Variants in ITPKA observed in about 807,000 individuals in gnomAD.
ITPKA encodes IP3 3-kinase A.
ITPKA carries 16 observed loss-of-function variants against 40.7 expected under a neutral mutation model. The observed-to-expected ratio is 0.39, with a 90% CI of 0.27 to 0.60. ITPKA has a LOEUF of 0.60. ITPKA is among the 20% of genes least tolerant of loss of function. The pLI, the probability that ITPKA is intolerant of heterozygous loss-of-function variation, is 0.50. For missense variants in ITPKA, 540 were observed against 649.3 expected, an observed-to-expected ratio of 0.83 and a Z score of 1.83; for synonymous variants, 313 against 289.9, an observed-to-expected ratio of 1.08 and a Z score of -0.81.
At chr15:41,499,550 T>C (rs1180685795) in intron 1 of ITPKA, among the ~76,000 whole-genome samples, 1 of 152,164 alleles carries the variant, frequency 6.6e-6, no homozygotes, top group Non-Finnish European at 1.5e-5. Context: ...CTACCATAAC[T>C]TCCATCTCCT....
At position 41,503,308 on chromosome 15, in the gene ITPKA, AG is replaced by A; in HGVS notation, c.*149del. 6.0e-6 allele frequency: 4 copies of A among 664,856 alleles called. No individual in the cohort carries two copies. Among genetic ancestry groups the A allele is most frequent in the Middle Eastern group, 4.2e-4 (1 of 2,368 alleles). 41.2% of individuals were successfully genotyped at this position (664,856 alleles called of 1,614,324 possible). A position where few individuals can be genotyped will look rare whatever the true frequency, so the allele number is the denominator to read the frequency against. On this transcript the variant is annotated 3_prime_UTR_variant, in exon 7 of 7. Coordinates refer to ENST00000260386, the MANE Select transcript of ITPKA (RefSeq NM_002220.3). ...CTGCAGGACCAGGTGCCAGCCACTA[AG>A]GGGGGGCACCGCCGATGCCAGGGGT...
chr15:41,495,351 G>A (rs1050680541), intron 1 of ITPKA, among the ~76,000 whole-genome samples: 1 of 152,186 alleles, frequency 6.6e-6, no homozygotes, highest in African/African-American at 2.4e-5. Flanking sequence ...GGCGAGGGGC[G>A]CCCCCGGCCT....
Position 41,502,814 on chromosome 15 carries a change from G to C in ITPKA, c.1137G>C (p.Gln379His), listed in dbSNP as rs1194831752. 1.9e-6 allele frequency: 3 copies of C among 1,612,304 alleles called. No individual in the cohort carries two copies. Among genetic ancestry groups the C allele is most frequent in the Non-Finnish European group, 2.5e-6 (3 of 1,179,302 alleles). The change falls in exon 6 of 7, where the codon CAG becomes CAC. Residue 379 changes from glutamine (Q) to histidine (H), a missense_variant. Gln to His is a conservative substitution (Grantham distance 24, BLOSUM62 0). Transcript: ENST00000260386. ...VLRRYLNRLQ[Q>H]IRDTLEVSEF... ...GGCGGTATCTGAACCGCCTGCAGCA[G>C]ATCCGGGACACCCTGGAGGTATCCG...
chr15:41,502,827 C>T lies in ITPKA; in HGVS notation c.1150C>T (p.Leu384=). ...LNRLQQIRDT[L]EVSEFFRRHE... is the part of the protein sequence containing the mutation. ...CCGCCTGCAGCAGATCCGGGACACC[C>T]TGGAGGTATCCGAGTTCTTCAGGAG... The change falls in exon 6 of 7, where the codon CTG becomes TTG. Residue 384 remains leucine, a synonymous_variant. Coordinates refer to ENST00000260386, the MANE Select transcript of ITPKA (RefSeq NM_002220.3). The T allele has an allele frequency of 1.9e-6, 3 of 1,612,894 alleles. No individual in the cohort carries two copies. The highest frequency in any genetic ancestry group is 2.5e-6 in the Non-Finnish European group (3 of 1,179,560).
Position 41,494,523 on chromosome 15 carries a change from G to A in ITPKA, c.489+107G>A. The A allele has an allele frequency of 1.3e-6, 1 of 773,088 alleles. No individual in the cohort carries two copies. The highest frequency in any genetic ancestry group is 1.9e-6 in the Non-Finnish European group (1 of 530,110). 47.9% of individuals were successfully genotyped at this position (773,088 alleles called of 1,614,324 possible). A position where few individuals can be genotyped will look rare whatever the true frequency, so the allele number is the denominator to read the frequency against. ...CCTGTCCATGCTCCCTCCAGCGGAA[G>A]GTCCTGTTCTCGCGGTTTAGGAGGA... On this transcript the variant is annotated intron_variant, in intron 1 of 6. Coordinates refer to ENST00000260386, the MANE Select transcript of ITPKA (RefSeq NM_002220.3). This position sits in a 1 kb window ranked among gnomAD's most constrained non-coding sequence, Gnocchi z 7.8.
intron 1 of ITPKA, chr15:41,501,164 A>C (rs865917149): frequency 1.5e-5 from 3 of 198,052 alleles, no homozygotes; most frequent in South Asian, 1.7e-4. Context: ...GCATTTTCGT[A>C]ACCTGCCCAC....
chr15:41,497,099 G>C (rs1214143748), intron 1 of ITPKA, among the ~76,000 whole-genome samples: 1 of 152,224 alleles, frequency 6.6e-6, no homozygotes, highest in Non-Finnish European at 1.5e-5. Flanking sequence ...TCTGAGGCTA[G>C]TATCCAGCCA....
At position 41,503,357 on chromosome 15, in the gene ITPKA, T is replaced by A; in HGVS notation, c.*191T>A. 1 of 596,678 alleles carries A rather than the reference T, an allele frequency of 1.7e-6. No individual in the cohort carries two copies. Among genetic ancestry groups the A allele is most frequent in the East Asian group, 2.8e-5 (1 of 35,756 alleles). 37.0% of individuals were successfully genotyped at this position (596,678 alleles called of 1,614,324 possible). On this transcript the variant is annotated 3_prime_UTR_variant, in exon 7 of 7. Transcript: ENST00000260386. ...GGTTTTGCCCACCCGGGCCCCAGCG[T>A]TCCCAGAGCCAAATGACACTAACTT...
At chr15:41,502,896 G>A (rs774684332) in intron 6 of ITPKA, 37 bp downstream of exon 6, 2 of 1,607,786 alleles carry the variant, frequency 1.2e-6, no homozygotes, top group Non-Finnish European at 1.7e-6. Flanking sequence ...GGCCGCGAGG[G>A]CTAGGGCGGG....
At chr15:41,496,435 C>G (rs1046595436) in intron 1 of ITPKA, among the ~76,000 whole-genome samples, 3 of 152,226 alleles carry the variant, frequency 2.0e-5, no homozygotes, top group Non-Finnish European at 4.4e-5. Context: ...TCCAGCCTGC[C>G]CAGAGCAGGG....
rs1189837137 is a variant in ITPKA at position 41,494,377 on chromosome 15, C to T, written c.450C>T (p.Arg150=). 6.7e-7 allele frequency: 1 copy of T among 1,496,846 alleles called. No homozygotes were observed. The allele number at this position is 1,496,846 out of a possible 1,614,324, so 92.7% of individuals were successfully genotyped here. A position where few individuals can be genotyped will look rare whatever the true frequency, so the allele number is the denominator to read the frequency against. ...DLLSDSESRS[R]GNVQLEAGED... Reference sequence around the variant, plus strand: ...TGAGCGACAGTGAGAGCCGGAGCCGCGGCAACGTGCAGCTGGAAGCGGGCG... The same window carrying T: ...TGAGCGACAGTGAGAGCCGGAGCCGTGGCAACGTGCAGCTGGAAGCGGGCG... Residue 150 remains arginine (R), a synonymous_variant, in exon 1 of 7, where the codon CGC becomes CGT. Transcript: ENST00000260386. The surrounding 1 kb of genome is among the most constrained non-coding windows in gnomAD (Gnocchi z 7.8).
chr15:41,500,353 G>T (rs1484461522), intron 1 of ITPKA, among the ~76,000 whole-genome samples: 1 of 152,174 alleles, frequency 6.6e-6, no homozygotes, highest in Admixed American at 6.5e-5. Flanking sequence ...AGAATCCAGG[G>T]ATAGCAAGAG....
chr15:41,494,399 G>A lies in ITPKA; in HGVS notation c.472G>A (p.Gly158Ser), dbSNP rs1304489279. 1 of 1,479,478 alleles carries A rather than the reference G, an allele frequency of 6.8e-7. No individual in the cohort carries two copies. The highest frequency in any genetic ancestry group is 9.0e-7 in the Non-Finnish European group (1 of 1,116,554). 91.6% of individuals were successfully genotyped at this position (1,479,478 alleles called of 1,614,324 possible). The change falls in exon 1 of 7, where the codon GGC becomes AGC. Residue 158 changes from glycine to serine, a missense_variant. By Grantham distance (56) the Gly-to-Ser change is moderately conservative. Coordinates refer to ENST00000260386, the MANE Select transcript of ITPKA (RefSeq NM_002220.3). This position sits in a 1 kb window ranked among gnomAD's most constrained non-coding sequence, Gnocchi z 7.8. ...RSRGNVQLEAGEDVGQKNHWQ... is the reference protein window; with the variant it reads ...RSRGNVQLEASEDVGQKNHWQ... ...CCGCGGCAACGTGCAGCTGGAAGCG[G>A]GCGAGGACGTGGGTCAGGTACGGGC...
Position 41,494,249 on chromosome 15 carries a change from G to A in ITPKA, c.322G>A (p.Ala108Thr). The change falls in exon 1 of 7, where the codon GCA becomes ACA. Residue 108 changes from alanine to threonine, a missense_variant. Physicochemically the swap from Ala to Thr is moderately conservative, Grantham distance 58. Transcript: ENST00000260386. This position sits in a 1 kb window ranked among gnomAD's most constrained non-coding sequence, Gnocchi z 7.8. ...GGAGCGGGAGAGGGACTGCCTCCCG[G>A]CAGCGGGCTCTTCGCACCTGCAGCA... is the stretch of plus-strand genomic sequence containing the variant. ...PPERERDCLP[A>T]AGSSHLQQPR... The A allele has an allele frequency of 6.5e-7, 1 of 1,544,864 alleles. No homozygotes were observed. Among genetic ancestry groups the A allele is most frequent in the Non-Finnish European group, 8.7e-7 (1 of 1,153,314 alleles).
chr15:41,496,559 A>G (rs547940048), intron 1 of ITPKA, among the ~76,000 whole-genome samples: 1 of 152,320 alleles, frequency 6.6e-6, no homozygotes, highest in African/African-American at 2.4e-5. Flanking sequence ...GCATGACTCT[A>G]TGGCCTTGCC....
At position 41,494,263 on chromosome 15, in the gene ITPKA, G is replaced by C; in HGVS notation, c.336G>C (p.Ser112=). The part of the protein sequence containing the change: ...ERDCLPAAGS[S]HLQQPRRLST... ...ACTGCCTCCCGGCAGCGGGCTCTTC[G>C]CACCTGCAGCAGCCGCGCCGCCTTT... is the stretch of plus-strand genomic sequence containing the variant. Residue 112 remains serine, a synonymous_variant, in exon 1 of 7, where the codon TCG becomes TCC. Coordinates refer to ENST00000260386, the MANE Select transcript of ITPKA (RefSeq NM_002220.3). This position sits in a 1 kb window ranked among gnomAD's most constrained non-coding sequence, Gnocchi z 7.8. 1.3e-6 allele frequency: 2 copies of C among 1,546,718 alleles called. No individual in the cohort carries two copies. The highest frequency in any genetic ancestry group is 1.7e-6 in the Non-Finnish European group (2 of 1,154,352).
At chr15:41,502,357 C>G (rs1432761421) in intron 4 of ITPKA, 45 bp from the exon 5 acceptor site, 30 of 1,452,714 alleles carry the variant, frequency 2.1e-5, no homozygotes, top group Non-Finnish European at 2.8e-5. Context: ...GTCCTCTTCC[C>G]CACTGGCGGG....
At chr15:41,502,743 G>C in intron 5 of ITPKA, 45 bp from the exon 6 acceptor site, 1 of 1,519,284 alleles carries the variant, frequency 6.6e-7, no homozygotes, top group East Asian at 2.4e-5. Flanking sequence ...GGGCTCATTT[G>C]GCGTTTAGTT....
chr15:41,495,039 G>T (rs1357594589), intron 1 of ITPKA, among the ~76,000 whole-genome samples: 2 of 152,342 alleles, frequency 1.3e-5, no homozygotes, highest in East Asian at 3.9e-4. Flanking sequence ...CCGGCTCGCC[G>T]CTCCTGAGCG....
Sources: allele counts gnomAD v4.1 joint callset (sites outside exome capture counted in the v4.1 genomes callset), GRCh38; gene constraint gnomAD v4.1.1; non-coding constraint Gnocchi (gnomAD v3.1); transcripts MANE v1.5; gene names NCBI Gene and HGNC (gene_info 2026-07-23, HGNC 2026-07-21).